Variants in CLASP1 observed in about 807,000 individuals in gnomAD.
CLASP1 encodes CLIP-associating protein 1.
Under a neutral mutation model 192.3 loss-of-function variants are expected in CLASP1, and 38 were observed. The ratio of observed to expected loss-of-function variants is 0.20; its 90% CI spans 0.15 to 0.26. CLASP1 has a LOEUF of 0.26. Ranked by LOEUF, CLASP1 falls within the 10% of genes least tolerant of loss-of-function variation. CLASP1 has a pLI of 1.00. For synonymous variants in CLASP1, 691 were observed against 712.8 expected, an observed-to-expected ratio of 0.97 and a Z score of 0.49; for missense variants, 1,433 against 1,932.5, an observed-to-expected ratio of 0.74 and a Z score of 4.85.
intron 19 of CLASP1, among the ~76,000 whole-genome samples, chr2:121,433,851 T>A (rs193173034): frequency 1.0e-3 from 156 of 152,332 alleles, no homozygotes; most frequent in African/African-American, 3.4e-3. Context: ...CTGGTCATAC[T>A]AGCTGCATAA....
At chr2:121,363,809 G>A (rs1003618548) in intron 36 of CLASP1, among the ~76,000 whole-genome samples, 1 of 152,206 alleles carries the variant, frequency 6.6e-6, no homozygotes, top group Non-Finnish European at 1.5e-5. Context: ...CACTGGGTGT[G>A]TACAGGCCTC....
At chr2:121,632,564 A>G (rs1460452596) in intron 1 of CLASP1, among the ~76,000 whole-genome samples, 2 of 152,112 alleles carry the variant, frequency 1.3e-5, no homozygotes, top group African/African-American at 4.8e-5. Flanking sequence ...TCTTCAATGT[A>G]CTCACATAGA....
chr2:121,392,531 C>T (rs1013853251), intron 30 of CLASP1, among the ~76,000 whole-genome samples: 1 of 152,166 alleles, frequency 6.6e-6, no homozygotes, highest in African/African-American at 2.4e-5. Context: ...CTGCCTCAGC[C>T]TCCCATGAGG....
intron 2 of CLASP1, among the ~76,000 whole-genome samples, chr2:121,553,977 GCC>G (rs1300782434): frequency 2.0e-5 from 3 of 151,940 alleles, no homozygotes; most frequent in Non-Finnish European, 2.9e-5. Context: ...ACTTTGGGAG[GCC>G]AAGATGGGAG....
At chr2:121,513,164 T>C (rs2094187410) in intron 7 of CLASP1, 1 of 152,222 alleles carries the variant, frequency 6.6e-6, no homozygotes, top group East Asian at 1.9e-4. Flanking sequence ...GTTCTAGATC[T>C]TAGGTAACTG....
At chr2:121,575,435 T>G (rs1183039849) in intron 2 of CLASP1, among the ~76,000 whole-genome samples, 53 of 152,036 alleles carry the variant, frequency 3.5e-4, no homozygotes, top group Non-Finnish European at 2.4e-4. Flanking sequence ...AAAACTTTTT[T>G]CAAAAAAGGG....
chr2:121,501,328 A>C (rs1356452176), intron 8 of CLASP1, among the ~76,000 whole-genome samples: 1 of 152,236 alleles, frequency 6.6e-6, no homozygotes, highest in Non-Finnish European at 1.5e-5. Flanking sequence ...ACTGCCTGTG[A>C]AGACCTGCCT....
At chr2:121,579,399 A>G (rs1394458590) in intron 2 of CLASP1, among the ~76,000 whole-genome samples, 1 of 152,182 alleles carries the variant, frequency 6.6e-6, no homozygotes, top group Admixed American at 6.5e-5. Context: ...CAGTATATGC[A>G]CAGGTTGTGC....
At chr2:121,413,444 A>T (rs1280248465) in intron 23 of CLASP1, among the ~76,000 whole-genome samples, 2 of 152,186 alleles carry the variant, frequency 1.3e-5, no homozygotes, top group African/African-American at 4.8e-5. Context: ...TAGCATATAA[A>T]AATAGTGGCA....
At chr2:121,369,224 G>A (rs1573908810) in intron 34 of CLASP1, among the ~76,000 whole-genome samples, 1 of 152,126 alleles carries the variant, frequency 6.6e-6, no homozygotes, top group African/African-American at 2.4e-5. Context: ...AATTCTTTTG[G>A]ACTTGAATCT....
At chr2:121,468,099 A>G (rs2089992329) in intron 9 of CLASP1, among the ~76,000 whole-genome samples, 1 of 152,152 alleles carries the variant, frequency 6.6e-6, no homozygotes, top group African/African-American at 2.4e-5. Flanking sequence ...AGATGGTTGT[A>G]GTCGTGGGTT....
At chr2:121,413,680 A>AT (rs2078099313) in intron 23 of CLASP1, among the ~76,000 whole-genome samples, 1 of 152,162 alleles carries the variant, frequency 6.6e-6, no homozygotes, top group Non-Finnish European at 1.5e-5. Context: ...TATGTATGCT[A>AT]TAATTTGCAG....
intron 8 of CLASP1, among the ~76,000 whole-genome samples, chr2:121,470,995 T>C (rs895752063): frequency 7.9e-5 from 12 of 152,190 alleles, no homozygotes; most frequent in African/African-American, 2.9e-4. Context: ...ACTCCTCAAG[T>C]TGCATTTAAA....
chr2:121,632,930 TATAATC>T (rs2070009708), intron 1 of CLASP1, among the ~76,000 whole-genome samples: 1 of 150,504 alleles, frequency 6.6e-6, no homozygotes, highest in Non-Finnish European at 1.5e-5. Context: ...AAAAGTAGTC[TATAATC>T]AGCCACGAAC....
intron 9 of CLASP1, among the ~76,000 whole-genome samples, chr2:121,463,928 C>G (rs187187822): frequency 6.6e-6 from 1 of 151,788 alleles, no homozygotes; most frequent in Non-Finnish European, 1.5e-5. Context: ...ATGTGCCATG[C>G]TGGTGCGCTG....
At chr2:121,340,986 A>G (rs752449701) in intron 39 of CLASP1, 39 bp from the exon 41 acceptor site, 1 of 1,393,734 alleles carries the variant, frequency 7.2e-7, no homozygotes, top group South Asian at 1.2e-5. Context: ...CAGGAAGAAA[A>G]GCAATCAGAA....
intron 1 of CLASP1, among the ~76,000 whole-genome samples, chr2:121,630,425 C>T (rs916489159): frequency 7.1e-6 from 1 of 140,734 alleles, no homozygotes; most frequent in Non-Finnish European, 1.6e-5. Flanking sequence ...CACACACACA[C>T]GCAGAAGCAA....
intron 1 of CLASP1, among the ~76,000 whole-genome samples, chr2:121,640,041 T>TA (rs1381854169): frequency 6.6e-6 from 1 of 151,936 alleles, no homozygotes; most frequent in Non-Finnish European, 1.5e-5. Context: ...TATGCAGCCA[T>TA]AAAAAAGGAT....
chr2:121,387,149 T>C (rs1175458835), exon 32 of CLASP1: 1 of 1,613,608 alleles, frequency 6.2e-7, no homozygotes, highest in Non-Finnish European at 8.5e-7. Context: ...ATGGGAACAG[T>C]TGGTGGGTGA....
Sources: gnomAD v4.1 joint callset for allele counts (sites outside exome capture counted in the v4.1 genomes callset) on GRCh38, gnomAD v4.1.1 for gene constraint, MANE v1.5 for transcripts, NCBI Gene and HGNC (gene_info 2026-07-23, HGNC 2026-07-21) for gene names.